VEPH1: variants seen among roughly 807,000 people sequenced by gnomAD.
VEPH1 encodes the protein ventricular zone expressed PH domain containing 1, also known as ventricular zone-expressed PH domain-containing protein homolog 1.
A neutral mutation model predicts 85.2 loss-of-function variants in VEPH1; 80 were observed. That is an observed-to-expected ratio of 0.94 (90% CI 0.78 to 1.13). VEPH1 has a LOEUF of 1.13. Ranked by LOEUF, VEPH1 falls within the 50% of genes most tolerant of loss-of-function variation. The pLI is 0.00. For synonymous variants in VEPH1, 297 were observed against 348.0 expected (o/e 0.85, Z 1.63); for missense variants, 955 against 980.5 (o/e 0.97, Z 0.35).
chr3:157,341,191 T>G (rs928396413), intron 9 of VEPH1, among the ~76,000 whole-genome samples: 1 of 152,004 alleles, frequency 6.6e-6, no homozygotes, highest in Non-Finnish European at 1.5e-5. Flanking sequence ...CTTTGACGAG[T>G]TGAGAGAAGA....
At chr3:157,368,182 T>C (rs894746236) in intron 7 of VEPH1, among the ~76,000 whole-genome samples, 3 of 152,126 alleles carry the variant, frequency 2.0e-5, no homozygotes, top group African/African-American at 7.2e-5. Context: ...TCATCACATG[T>C]TAGATTTTAT....
intron 4 of VEPH1, among the ~76,000 whole-genome samples, chr3:157,438,189 C>T (rs1232272901): frequency 6.6e-6 from 1 of 151,962 alleles, no homozygotes; most frequent in Non-Finnish European, 1.5e-5. Context: ...TGGAGGTAAC[C>T]ATCACAGTCT....
intron 12 of VEPH1, among the ~76,000 whole-genome samples, chr3:157,274,115 G>A (rs1715078150): frequency 6.6e-6 from 1 of 152,170 alleles, no homozygotes; most frequent in African/African-American, 2.4e-5. Context: ...AATGGCTGTG[G>A]GGGTTTTGCT....
intron 2 of VEPH1, among the ~76,000 whole-genome samples, chr3:157,488,859 T>A (rs536158394): frequency 1.1e-4 from 16 of 151,782 alleles, no homozygotes; most frequent in Admixed American, 5.3e-4. Context: ...TTCATCTTAA[T>A]TATTGACAAT....
chr3:157,436,610 A>C (rs897272391), intron 4 of VEPH1, among the ~76,000 whole-genome samples: 1 of 152,140 alleles, frequency 6.6e-6, no homozygotes, highest in Non-Finnish European at 1.5e-5. Flanking sequence ...TCAGGAGAAC[A>C]GTAGAAGCCC....
At chr3:157,401,433 G>C (rs1730782465) in intron 6 of VEPH1, among the ~76,000 whole-genome samples, 1 of 152,108 alleles carries the variant, frequency 6.6e-6, no homozygotes, top group African/African-American at 2.4e-5. Flanking sequence ...TAGATAATTA[G>C]ATGCAAGGTG....
intron 6 of VEPH1, among the ~76,000 whole-genome samples, chr3:157,392,521 G>A (rs1729957266): frequency 1.3e-5 from 2 of 152,072 alleles, no homozygotes; most frequent in South Asian, 4.1e-4. Flanking sequence ...CTACATCAGG[G>A]GTGTACAATC....
chr3:157,349,019 C>G lies in VEPH1; in HGVS notation c.1735+14345G>C, dbSNP rs147989107. On this transcript the variant is annotated intron_variant, in intron 9 of 13. Transcript: ENST00000362010. ...CTCATTCTGTGAGGCCAGCATATCC[C>G]TGATACCAAAACCAGACAAGGACTC... Among the ~76,000 whole-genome samples, 532 of 152,286 alleles carry G rather than the reference C, an allele frequency of 3.5e-3. 4 individuals are homozygous for G. The highest frequency in any genetic ancestry group is 0.012 in the African/African-American group (492 of 41,550).
chr3:157,412,410 A>G (rs1425155253), intron 6 of VEPH1, among the ~76,000 whole-genome samples: 1 of 152,152 alleles, frequency 6.6e-6, no homozygotes, highest in Non-Finnish European at 1.5e-5. Context: ...TTAATGAATC[A>G]TTTGTGACAA....
chr3:157,347,587 G>A (rs983445644), intron 9 of VEPH1, among the ~76,000 whole-genome samples: 2 of 152,232 alleles, frequency 1.3e-5, no homozygotes, highest in African/African-American at 4.8e-5. Context: ...GAGCAGGCAA[G>A]TGCAGCGGGG....
intron 3 of VEPH1, among the ~76,000 whole-genome samples, chr3:157,468,273 T>C (rs899201389): frequency 6.6e-6 from 1 of 152,202 alleles, no homozygotes; most frequent in African/African-American, 2.4e-5. Flanking sequence ...CTCTTGAACA[T>C]CTGAAGTGTG....
At chr3:157,281,430 T>C (rs1716102140) in intron 12 of VEPH1, among the ~76,000 whole-genome samples, 1 of 152,204 alleles carries the variant, frequency 6.6e-6, no homozygotes, top group Non-Finnish European at 1.5e-5. Flanking sequence ...TTCCGTTGTT[T>C]TTGGTGCTCT....
intron 11 of VEPH1, among the ~76,000 whole-genome samples, chr3:157,300,999 T>C (rs1043589500): frequency 7.9e-5 from 12 of 152,236 alleles, no homozygotes; most frequent in Admixed American, 7.2e-4. Flanking sequence ...TCTCCTCTTA[T>C]GTTAGCCATA....
chr3:157,389,470 C>G (rs1309890196), intron 6 of VEPH1, among the ~76,000 whole-genome samples: 1 of 152,164 alleles, frequency 6.6e-6, no homozygotes, highest in Non-Finnish European at 1.5e-5. Flanking sequence ...CTGGGGACAA[C>G]TGAAGTTTTT....
chr3:157,419,813 C>T (rs2109067100), intron 5 of VEPH1, among the ~76,000 whole-genome samples: 1 of 152,254 alleles, frequency 6.6e-6, no homozygotes, highest in South Asian at 2.1e-4. Context: ...CCAACAATCT[C>T]ATTAGTGGGT....
intron 6 of VEPH1, among the ~76,000 whole-genome samples, chr3:157,399,042 G>C (rs1055422003): frequency 5.3e-5 from 8 of 152,020 alleles, no homozygotes; most frequent in Admixed American, 5.2e-4. Flanking sequence ...AAAATGCCTG[G>C]CATACAGAAA....
intron 9 of VEPH1, among the ~76,000 whole-genome samples, chr3:157,361,438 GA>G (rs1341500740): frequency 6.6e-6 from 1 of 152,082 alleles, no homozygotes; most frequent in East Asian, 1.9e-4. Context: ...GTAGAATATG[GA>G]AAAAAGGGCT....
intron 5 of VEPH1, among the ~76,000 whole-genome samples, chr3:157,416,210 G>A (rs1397703219): frequency 6.6e-6 from 1 of 152,092 alleles, no homozygotes; most frequent in Non-Finnish European, 1.5e-5. Flanking sequence ...CCACCCTATA[G>A]TAGTTAAAGA....
chr3:157,412,771 G>A (rs1235216402), intron 6 of VEPH1, among the ~76,000 whole-genome samples: 3 of 152,054 alleles, frequency 2.0e-5, no homozygotes, highest in South Asian at 2.1e-4. Flanking sequence ...CAGTTCTCCC[G>A]CCCTCCTCTG....
Sources: gnomAD v4.1 joint callset for allele counts (sites outside exome capture counted in the v4.1 genomes callset) on GRCh38, gnomAD v4.1.1 for gene constraint, MANE v1.5 for transcripts, NCBI Gene and HGNC (gene_info 2026-07-23, HGNC 2026-07-21) for gene names.